Variants in TNS3 observed in about 807,000 individuals in gnomAD.
The protein encoded by TNS3 is tensin-3.
TNS3 carries 45 observed loss-of-function variants against 140.9 expected under a neutral mutation model. The observed-to-expected ratio is 0.32, with a 90% CI of 0.25 to 0.41. The LOEUF is 0.41. TNS3 is among the 10% of genes least tolerant of loss of function. TNS3 has a pLI of 1.00. For synonymous variants in TNS3, 815 were observed against 788.4 expected (o/e 1.03, Z -0.56); for missense variants, 1,716 against 1,906.7 (o/e 0.90, Z 1.86).
At chr7:47,519,255 C>A (rs1420816069) in intron 2 of TNS3, among the ~76,000 whole-genome samples, 1 of 131,330 alleles carries the variant, frequency 7.6e-6, no homozygotes, top group Non-Finnish European at 1.6e-5. Context: ...TTAAGATATC[C>A]CCCCCCAACA....
At chr7:47,562,019 T>G (rs1025368067) in intron 1 of TNS3, among the ~76,000 whole-genome samples, 9 of 152,386 alleles carry the variant, frequency 5.9e-5, no homozygotes, top group Middle Eastern at 3.4e-3. Context: ...CTTAGTCTAC[T>G]GGTAACCTGA....
intron 1 of TNS3, among the ~76,000 whole-genome samples, chr7:47,556,378 C>T (rs771410057): frequency 1.6e-4 from 24 of 152,146 alleles, no homozygotes; most frequent in Non-Finnish European, 2.9e-4. Flanking sequence ...GGCCAAGACC[C>T]CCTGAGCAGG....
chr7:47,313,575 A>G (rs1787227638), intron 20 of TNS3, among the ~76,000 whole-genome samples: 1 of 152,220 alleles, frequency 6.6e-6, no homozygotes, highest in Non-Finnish European at 1.5e-5. Context: ...TACCCAGCAC[A>G]GCATGCAGTA....
intron 3 of TNS3, among the ~76,000 whole-genome samples, chr7:47,487,340 C>G (rs987302290): frequency 2.0e-5 from 3 of 151,778 alleles, no homozygotes; most frequent in African/African-American, 7.3e-5. Flanking sequence ...AAGTGTCAAG[C>G]ATGCTTTTAC....
In TNS3 at chr7:47,407,730, G is replaced by A. The variant is rs1793526533; in HGVS notation, c.723+3997C>T. Among the ~76,000 whole-genome samples, 1 of 152,132 alleles carries A rather than the reference G, an allele frequency of 6.6e-6. No individual in the cohort carries two copies. Among genetic ancestry groups the A allele is most frequent in the Non-Finnish European group, 1.5e-5 (1 of 68,020 alleles). ...GGCTGGGCCCGAATGAATGATAACT[G>A]GTGTCCTTGTAAGAAGAGATGAGGA... On this transcript the variant is annotated intron_variant, in intron 13 of 30. Coordinates refer to ENST00000311160, the MANE Select transcript of TNS3 (RefSeq NM_022748.12). The surrounding 1 kb of genome is among the most constrained non-coding windows in gnomAD (Gnocchi z 4.1).
At chr7:47,295,624 C>G (rs912649536) in intron 24 of TNS3, among the ~76,000 whole-genome samples, 1 of 152,160 alleles carries the variant, frequency 6.6e-6, no homozygotes, top group Admixed American at 6.5e-5. Context: ...CTTCTCTCTA[C>G]TTCACTTCAG....
intron 3 of TNS3, 130 bp from the exon 4 acceptor site, chr7:47,481,271 G>A (rs1228783440): frequency 3.3e-6 from 2 of 605,142 alleles, no homozygotes; most frequent in African/African-American, 1.9e-5. Flanking sequence ...AGCTGTAGCA[G>A]ATCAAGACTG....
At chr7:47,315,422 A>G (rs994376599) in intron 20 of TNS3, among the ~76,000 whole-genome samples, 1 of 152,152 alleles carries the variant, frequency 6.6e-6, no homozygotes, top group Non-Finnish European at 1.5e-5. Flanking sequence ...AGGAATGTCT[A>G]TGCTCCTCTC....
At chr7:47,577,798 T>C (rs1278571132) in intron 1 of TNS3, among the ~76,000 whole-genome samples, 2 of 152,098 alleles carry the variant, frequency 1.3e-5, no homozygotes, top group African/African-American at 4.8e-5. Context: ...GCGGGCTGTT[T>C]GCAGAGGGCT....
In TNS3 at chr7:47,408,412, T is replaced by C. The variant is rs185750500; in HGVS notation, c.723+3315A>G. Reference sequence around the variant, plus strand: ...CACACGCTTGGGCTGCGGTGCCCACTACAGGGTGGGACAGGATAAGACGCA... The same window carrying C: ...CACACGCTTGGGCTGCGGTGCCCACCACAGGGTGGGACAGGATAAGACGCA... On this transcript the variant is annotated intron_variant, in intron 13 of 30. Transcript: ENST00000311160. Among the ~76,000 whole-genome samples, 985 of 151,522 alleles carry C rather than the reference T, an allele frequency of 6.5e-3. 16 individuals are homozygous for C. Among genetic ancestry groups the C allele is most frequent in the African/African-American group, 0.022 (924 of 41,438 alleles).
rs1273395586 is a variant in TNS3, at chr7:47,389,086, GGAA to G, written c.1024+7711_1024+7713del. 3.1e-4 allele frequency among the ~76,000 whole-genome samples: 16 copies of G among 52,386 alleles called. 3 individuals carry two copies. The highest frequency in any genetic ancestry group is 3.0e-3 in the East Asian group (4 of 1,328). The allele number at this position is 52,386 out of a possible 152,430, so 34.4% of individuals were successfully genotyped here. A position where few individuals can be genotyped will look rare whatever the true frequency, so the allele number is the denominator to read the frequency against. ...AAGAAGAAGAAGAAGAAGAAGAAGA[GGAA>G]GAGGAAGAGGAAGCGGAAGCAGAAG... On this transcript the variant is annotated intron_variant, in intron 16 of 30. Transcript: ENST00000311160.
At chr7:47,384,378 C>A (rs1047599534) in intron 16 of TNS3, among the ~76,000 whole-genome samples, 23 of 152,218 alleles carry the variant, frequency 1.5e-4, no homozygotes, top group Non-Finnish European at 2.5e-4. Context: ...CTGGCTACAG[C>A]GTTCTCCAGC....
chr7:47,535,599 G>C (rs1799570475), intron 1 of TNS3, among the ~76,000 whole-genome samples: 1 of 152,238 alleles, frequency 6.6e-6, no homozygotes, highest in Admixed American at 6.5e-5. Context: ...AATCTAAATT[G>C]CACTTAATTG....
chr7:47,571,869 G>A (rs560044199), intron 1 of TNS3, among the ~76,000 whole-genome samples: 4 of 152,328 alleles, frequency 2.6e-5, no homozygotes, highest in East Asian at 1.9e-4. Context: ...TGCTTGCCCC[G>A]TGCGTGGTGT....
intron 1 of TNS3, among the ~76,000 whole-genome samples, chr7:47,546,042 G>A (rs1799911187): frequency 6.6e-6 from 1 of 152,200 alleles, no homozygotes; most frequent in Admixed American, 6.5e-5. Flanking sequence ...TGGGGATAGA[G>A]GCAGGTGCCC....
chr7:47,316,516 A>G (rs796166916), intron 20 of TNS3, among the ~76,000 whole-genome samples: 1 of 151,460 alleles, frequency 6.6e-6, no homozygotes, highest in African/African-American at 2.4e-5. Flanking sequence ...GAGTTTCCTC[A>G]GTAGTGATTA....
chr7:47,337,971 C>T (rs2150955331), intron 20 of TNS3, among the ~76,000 whole-genome samples: 1 of 152,330 alleles, frequency 6.6e-6, no homozygotes, highest in South Asian at 2.1e-4. Flanking sequence ...ACTATACAGA[C>T]TTCAGGTTTT....
chr7:47,530,040 C>T (rs933358655), intron 1 of TNS3, among the ~76,000 whole-genome samples: 15 of 152,202 alleles, frequency 9.9e-5, no homozygotes, highest in Admixed American at 5.2e-4. Flanking sequence ...TAACCTATGA[C>T]TCAGCAATTC....
intron 3 of TNS3, among the ~76,000 whole-genome samples, chr7:47,505,917 A>G (rs1034840550): frequency 2.0e-5 from 3 of 152,210 alleles, no homozygotes; most frequent in Admixed American, 1.3e-4. Context: ...TAGTCCTCAC[A>G]TGGAAAACAG....
Sources: gnomAD v4.1 joint callset for allele counts (sites outside exome capture counted in the v4.1 genomes callset) on GRCh38, gnomAD v4.1.1 for gene constraint, Gnocchi (gnomAD v3.1) non-coding constraint, MANE v1.5 for transcripts, NCBI Gene and HGNC (gene_info 2026-07-23, HGNC 2026-07-21) for gene names.